The following CALD1 variants were observed in gnomAD, a reference collection of about 807,000 sequenced individuals.
The protein encoded by CALD1 is caldesmon.
A neutral mutation model predicts 99.9 loss-of-function variants in CALD1; 33 were observed. The observed-to-expected ratio is 0.33, with a 90% CI of 0.25 to 0.44. The LOEUF is 0.44. Among genes scored for constraint, CALD1 ranks in the 20% least tolerant of loss-of-function variants. The pLI, the probability that CALD1 is intolerant of heterozygous loss-of-function variation, is 1.00. For missense variants in CALD1, 861 were observed against 962.1 expected, an observed-to-expected ratio of 0.89 and a Z score of 1.39; for synonymous variants, 310 against 325.0, an observed-to-expected ratio of 0.95 and a Z score of 0.50.
At chr7:134,767,331 T>C (rs904789421) in intron 1 of CALD1, among the ~76,000 whole-genome samples, 3 of 152,106 alleles carry the variant, frequency 2.0e-5, no homozygotes, top group African/African-American at 7.2e-5. Flanking sequence ...TCCCCAGTTA[T>C]CGCCAGACGC....
At chr7:134,900,323 T>C (rs1021552614) in intron 3 of CALD1, among the ~76,000 whole-genome samples, 2 of 152,168 alleles carry the variant, frequency 1.3e-5, no homozygotes, top group African/African-American at 4.8e-5. Context: ...TTCATGAATG[T>C]TATGGTATGC....
chr7:134,889,109 C>T (rs1448275786), intron 3 of CALD1, among the ~76,000 whole-genome samples: 2 of 152,168 alleles, frequency 1.3e-5, no homozygotes, highest in East Asian at 1.9e-4. Flanking sequence ...CGCATGGCTG[C>T]GACAAATAAC....
intron 3 of CALD1, among the ~76,000 whole-genome samples, chr7:134,918,523 C>T (rs1804381187): frequency 6.6e-6 from 1 of 152,134 alleles, no homozygotes; most frequent in Non-Finnish European, 1.5e-5. Context: ...GCTGGTAATA[C>T]TACAAAGAAA....
chr7:134,847,065 G>C (rs1799880625), intron 2 of CALD1, among the ~76,000 whole-genome samples: 1 of 152,200 alleles, frequency 6.6e-6, no homozygotes, highest in African/African-American at 2.4e-5. Context: ...CGTGGGCTTG[G>C]AGAGAAAGAT....
chr7:134,950,517 A>AT lies in CALD1; in HGVS notation c.1935+10dup. 1 of 1,612,448 alleles carries AT rather than the reference A, an allele frequency of 6.2e-7. No individual in the cohort carries two copies. The highest frequency in any genetic ancestry group is 8.5e-7 in the Non-Finnish European group (1 of 1,179,134). On this transcript the variant is annotated splice_donor_region_variant and intron_variant, in intron 9 of 14. Coordinates refer to ENST00000361675, the MANE Select transcript of CALD1 (RefSeq NM_033138.4). Reference sequence around the variant, plus strand: ...CTCCTAAAGGTTCATCTCTCAAGGTATTTTTTTCCCCAGAAAACTTCTATT... The same window carrying AT: ...CTCCTAAAGGTTCATCTCTCAAGGTATTTTTTTTCCCCAGAAAACTTCTATT...
At chr7:134,771,781 C>T (rs986284501) in intron 1 of CALD1, among the ~76,000 whole-genome samples, 2 of 152,176 alleles carry the variant, frequency 1.3e-5, no homozygotes, top group Non-Finnish European at 2.9e-5. Flanking sequence ...ATTTAATATG[C>T]ACTTGCTGTC....
intron 1 of CALD1, among the ~76,000 whole-genome samples, chr7:134,810,226 TC>T (rs1487711790): frequency 6.6e-6 from 1 of 152,166 alleles, no homozygotes; most frequent in African/African-American, 2.4e-5. Flanking sequence ...TTGACTTAAA[TC>T]CTACTCATAT....
intron 1 of CALD1, among the ~76,000 whole-genome samples, chr7:134,766,756 A>G (rs553896988): frequency 2.0e-5 from 3 of 152,268 alleles, no homozygotes; most frequent in Admixed American, 1.3e-4. Flanking sequence ...GAGAGATAGG[A>G]CGATAGGCTA....
chr7:134,756,961 G>C (rs1000834006), intron 1 of CALD1, among the ~76,000 whole-genome samples: 6 of 152,134 alleles, frequency 3.9e-5, no homozygotes, highest in Admixed American at 6.5e-5. Context: ...CGCCACTTAC[G>C]CTCATTTTTC....
chr7:134,814,310 G>C (rs1052144240), intron 1 of CALD1, among the ~76,000 whole-genome samples: 2 of 152,182 alleles, frequency 1.3e-5, no homozygotes, highest in Non-Finnish European at 2.9e-5. Context: ...TGACTTATCT[G>C]GAGTTCCAGA....
At position 134,935,694 on chromosome 7, in the gene CALD1, G is replaced by C. The variant is rs1179534376; in HGVS notation, c.1315G>C (p.Glu439Gln). ...CATTCTTGAAAATAAAAAGGGAGAA[G>C]AGAAGGGAACTAAAGTGCAAGCTAA... The part of the protein sequence containing the change: ...QTAVLKKQGE[E>Q]KGTKVQAKRE... The change falls in exon 6 of 15, where the codon GAG becomes CAG. Residue 439 changes from glutamate to glutamine, a missense_variant. Around this residue, in one of 5 missense-constraint regions of CALD1, gnomAD observed 293 missense variants for 262.7 expected, o/e 1.12. Coordinates refer to ENST00000361675, the MANE Select transcript of CALD1 (RefSeq NM_033138.4). 6.2e-7 allele frequency: 1 copy of C among 1,605,036 alleles called. No individual in the cohort carries two copies. Among genetic ancestry groups the C allele is most frequent in the African/African-American group, 1.3e-5 (1 of 74,612 alleles).
intron 1 of CALD1, among the ~76,000 whole-genome samples, chr7:134,747,156 A>C (rs762453163): frequency 2.6e-5 from 4 of 152,208 alleles, no homozygotes; most frequent in African/African-American, 4.8e-5. Flanking sequence ...AGGTGCTATT[A>C]ATCAAGATAA....
chr7:134,787,227 C>CT (rs1225597326), intron 1 of CALD1, among the ~76,000 whole-genome samples: 1 of 152,068 alleles, frequency 6.6e-6, no homozygotes, highest in Non-Finnish European at 1.5e-5. Context: ...GTTATCAACC[C>CT]TGTAAGGTCA....
intron 2 of CALD1, among the ~76,000 whole-genome samples, chr7:134,852,137 C>A: frequency 6.6e-6 from 1 of 151,954 alleles, no homozygotes; most frequent in East Asian, 1.9e-4. Context: ...GTATTGATCA[C>A]CAAGAACAAG....
the CALD1 span, among the ~76,000 whole-genome samples, chr7:134,720,987 G>T: frequency 2.6e-5 from 4 of 152,236 alleles, no homozygotes; most frequent in African/African-American, 9.6e-5. Flanking sequence ...TTGAGAACTG[G>T]TGATTTGGTG....
intron 3 of CALD1, chr7:134,920,562 A>G: frequency 7.8e-7 from 1 of 1,275,802 alleles, no homozygotes; most frequent in Non-Finnish European, 1.0e-6. Flanking sequence ...AGCTGGGGAC[A>G]GAATAGTGTT....
intron 9 of CALD1, among the ~76,000 whole-genome samples, chr7:134,953,669 GT>G (rs959799213): frequency 7.4e-5 from 6 of 81,212 alleles, no homozygotes; most frequent in East Asian, 3.7e-4. Context: ...TTTTTTTTTT[GT>G]TTTTTTTTTT....
At chr7:134,782,267 C>T (rs1392951072) in intron 1 of CALD1, among the ~76,000 whole-genome samples, 4 of 152,164 alleles carry the variant, frequency 2.6e-5, no homozygotes, top group Admixed American at 6.5e-5. Context: ...AGGAAAAATG[C>T]TGATAGAGTG....
intron 1 of CALD1, among the ~76,000 whole-genome samples, chr7:134,749,015 A>C (rs1402250482): frequency 1.3e-5 from 2 of 152,188 alleles, no homozygotes; most frequent in Non-Finnish European, 2.9e-5. Flanking sequence ...CCAGACCCTG[A>C]ATCTGCCCTG....
Sources: gnomAD v4.1 joint callset for allele counts (sites outside exome capture counted in the v4.1 genomes callset) on GRCh38, gnomAD v4.1.1 for gene constraint, gnomAD v4.1.1 regional missense constraint, MANE v1.5 for transcripts, NCBI Gene and HGNC (gene_info 2026-07-23, HGNC 2026-07-21) for gene names.